Variants in NKD2 observed in about 807,000 individuals in gnomAD.
NKD2 encodes NKD inhibitor of Wnt signaling pathway 2.
A neutral mutation model predicts 34.8 loss-of-function variants in NKD2; 43 were observed. The observed-to-expected ratio is 1.24, with a 90% CI of 0.97 to 1.60. The LOEUF is 1.60. NKD2 is among the 40% of genes most tolerant of loss of function. NKD2 has a pLI of 0.00. For missense variants in NKD2, 675 were observed against 627.1 expected, an observed-to-expected ratio of 1.08 and a Z score of -0.82; for synonymous variants, 278 against 265.1, an observed-to-expected ratio of 1.05 and a Z score of -0.47.
intron 3 of NKD2, among the ~76,000 whole-genome samples, chr5:1,012,524 G>A (rs1257262159): frequency 6.6e-6 from 1 of 152,208 alleles, no homozygotes; most frequent in Non-Finnish European, 1.5e-5. Context: ...GAGCCAGGAG[G>A]ACCACAGTCG....
chr5:1,013,024 C>T (rs1242102693), intron 3 of NKD2, among the ~76,000 whole-genome samples: 3 of 152,370 alleles, frequency 2.0e-5, no homozygotes, highest in Admixed American at 1.3e-4. Context: ...CACGTGCGCC[C>T]AGAGACAAGG....
chr5:1,030,459 A>C (rs1366290833), intron 3 of NKD2, among the ~76,000 whole-genome samples: 2 of 152,204 alleles, frequency 1.3e-5, no homozygotes. Context: ...TTCTGTGCCC[A>C]TGGGGGCTGC....
At chr5:1,016,345 C>T (rs1027104665) in intron 3 of NKD2, among the ~76,000 whole-genome samples, 6 of 152,242 alleles carry the variant, frequency 3.9e-5, no homozygotes, top group South Asian at 2.1e-4. Context: ...TTCACGCTGG[C>T]GTGAAACAAA....
At chr5:1,029,784 T>C (rs1756567918) in intron 3 of NKD2, among the ~76,000 whole-genome samples, 1 of 152,214 alleles carries the variant, frequency 6.6e-6, no homozygotes, top group African/African-American at 2.4e-5. Flanking sequence ...TCTGGCACTT[T>C]CCAGGAAGCC....
At chr5:1,036,194 C>A (rs1002439683) in intron 8 of NKD2, 63 bp from the exon 9 acceptor site, 24 of 1,451,432 alleles carry the variant, frequency 1.7e-5, no homozygotes, top group Non-Finnish European at 2.0e-5. Flanking sequence ...GTAGGCACCC[C>A]GTCATCAGGG....
chr5:1,037,013 C>T (rs1199970006), intron 9 of NKD2: 4 of 330,740 alleles, frequency 1.2e-5, no homozygotes, highest in South Asian at 5.5e-5. Context: ...GTGTGGATGG[C>T]GGGCAATGTG....
intron 9 of NKD2, among the ~76,000 whole-genome samples, 181 bp downstream of exon 9, chr5:1,036,565 A>G (rs918803656): frequency 1.5e-4 from 21 of 138,916 alleles, no homozygotes; most frequent in African/African-American, 5.7e-4. Context: ...CCTGTTGGTC[A>G]TGGCTGCCTC....
intron 7 of NKD2, 31 bp from the exon 8 acceptor site, chr5:1,035,358 G>T (rs757332698): frequency 2.0e-6 from 3 of 1,507,286 alleles, no homozygotes; most frequent in South Asian, 1.2e-5. Context: ...AAGGAGGGAG[G>T]GAGTGAGTAA....
intron 3 of NKD2, among the ~76,000 whole-genome samples, chr5:1,018,837 G>A (rs1286109118): frequency 6.6e-6 from 1 of 152,196 alleles, no homozygotes; most frequent in Admixed American, 6.5e-5. Flanking sequence ...CCCATTCTCG[G>A]GGTCTGTTTG....
rs1733773566 is a variant in NKD2 at position 1,034,898 on chromosome 5, G to T, written c.569G>T (p.Gly190Val). Reference sequence around the variant, plus strand: ...AAGAGGAAGGAGGGTCCTCCTGCTGGCCAGGGTGAGTGAGGCCTGGGCACA... The same window carrying T: ...AAGAGGAAGGAGGGTCCTCCTGCTGTCCAGGGTGAGTGAGGCCTGGGCACA... ...SSKRKEGPPA[G>V]QDREPTRCRM... The change falls in exon 7 of 10, where the codon GGC (glycine) becomes GTC (valine). Residue 190 changes from glycine (G) to valine (V), a missense_variant. Transcript: ENST00000296849. The T allele has an allele frequency of 6.2e-7, 1 of 1,608,248 alleles. No homozygotes were observed. Among genetic ancestry groups the T allele is most frequent in the Non-Finnish European group, 8.5e-7 (1 of 1,177,712 alleles).
rs373947176 is a variant in NKD2 at position 1,028,387 on chromosome 5, C to T, written c.142-3765C>T. Reference sequence around the variant, plus strand: ...TATGGGTTCTGGTCCCGGAGGCCTCCGTGGGTTGGGGTCAGACCCTCCTCC... The same window carrying T: ...TATGGGTTCTGGTCCCGGAGGCCTCTGTGGGTTGGGGTCAGACCCTCCTCC... On this transcript the variant is annotated intron_variant, in intron 3 of 9. Transcript: ENST00000296849. 1.8e-4 allele frequency among the ~76,000 whole-genome samples: 28 copies of T among 152,294 alleles called. No homozygotes were observed. In the East Asian group the frequency reaches 2.3e-3, roughly 13 times the overall value.
At chr5:1,030,132 G>A (rs73026744) in intron 3 of NKD2, among the ~76,000 whole-genome samples, 7,407 of 152,146 alleles carry the variant, frequency 0.049, 397 homozygotes, top group East Asian at 0.13. Context: ...GGGATGCCTC[G>A]GGGCACCCAC....
intron 3 of NKD2, among the ~76,000 whole-genome samples, chr5:1,012,671 A>G (rs947079784): frequency 2.8e-4 from 42 of 152,218 alleles, no homozygotes; most frequent in Non-Finnish European, 2.5e-4. Context: ...GCTCAGCCCC[A>G]CTACATGGCT....
At chr5:1,036,006 C>T in intron 8 of NKD2, 3 of 760,010 alleles carry the variant, frequency 3.9e-6, no homozygotes, top group Non-Finnish European at 5.5e-6. Context: ...ATGAGCCACT[C>T]CCTAGAGCAC....
rs1034095779 is a variant in NKD2 at position 1,012,272 on chromosome 5, C to T, written c.141+2712C>T. ...CATGAAGTAGTGCTGAGGAAGGGTG[C>T]GCTGGGGCTAACTCCAGAGGCAGCA... On this transcript the variant is annotated intron_variant, in intron 3 of 9. Transcript: ENST00000296849. Among the ~76,000 whole-genome samples, 3 of 152,360 alleles carry T rather than the reference C, an allele frequency of 2.0e-5. No individual in the cohort carries two copies. The South Asian group carries it at 6.2e-4, about 32-fold the overall frequency.
chr5:1,010,814 C>A (rs1033769003), intron 3 of NKD2, among the ~76,000 whole-genome samples: 1 of 152,192 alleles, frequency 6.6e-6, no homozygotes, highest in African/African-American at 2.4e-5. Context: ...GGTGGGCGGG[C>A]GTTCACCTCT....
At chr5:1,011,085 G>T (rs1755734056) in intron 3 of NKD2, among the ~76,000 whole-genome samples, 2 of 152,244 alleles carry the variant, frequency 1.3e-5, no homozygotes, top group African/African-American at 4.8e-5. Flanking sequence ...TTAGAGAATA[G>T]CTTGGGAATT....
chr5:1,034,531 G>A (rs1467980177), intron 6 of NKD2, among the ~76,000 whole-genome samples: 2 of 152,232 alleles, frequency 1.3e-5, no homozygotes, highest in Non-Finnish European at 2.9e-5. Flanking sequence ...CTGCGGCTGT[G>A]CTTCCCACAC....
chr5:1,032,226 C>T lies in NKD2; in HGVS notation c.202+14C>T. 6.3e-7 allele frequency: 1 copy of T among 1,598,706 alleles called. No homozygotes were observed. The highest frequency in any genetic ancestry group is 8.6e-7 in the Non-Finnish European group (1 of 1,169,128). On this transcript the variant is annotated intron_variant, in intron 4 of 9. Transcript: ENST00000296849. ...GTCCCCTACAGGGTGAGTGCAGCTC[C>T]CGCAGCCCTCCCTCCCCAAACTCAC... is the stretch of plus-strand genomic sequence containing the variant.
Sources: allele counts gnomAD v4.1 joint callset (sites outside exome capture counted in the v4.1 genomes callset), GRCh38; gene constraint gnomAD v4.1.1; transcripts MANE v1.5; gene names NCBI Gene and HGNC (gene_info 2026-07-23, HGNC 2026-07-21).